Variants in CRACR2A observed in about 807,000 individuals in gnomAD.
The protein encoded by CRACR2A is EF-hand calcium-binding domain-containing protein 4B.
In CRACR2A, 79 loss-of-function variants were observed where a neutral mutation model predicts 90.5. That is an observed-to-expected ratio of 0.87 (90% CI 0.73 to 1.05). The LOEUF (loss-of-function observed/expected upper bound fraction) is 1.05. Ranked by LOEUF, CRACR2A falls within the 50% of genes least tolerant of loss-of-function variation. The pLI is 0.00. For missense variants in CRACR2A, 823 were observed against 897.2 expected (o/e 0.92, Z 1.06); for synonymous variants, 338 against 356.7 (o/e 0.95, Z 0.59).
intron 2 of CRACR2A, chr12:3,731,250 T>TC (rs1591718161): frequency 6.6e-6 from 1 of 152,280 alleles, no homozygotes; most frequent in East Asian, 1.9e-4. Flanking sequence ...AAAACTCAAC[T>TC]TCCCGGGAAA....
At chr12:3,740,262 A>G (rs1240209456) in intron 1 of CRACR2A, among the ~76,000 whole-genome samples, 2 of 152,150 alleles carry the variant, frequency 1.3e-5, no homozygotes, top group East Asian at 3.9e-4. Context: ...AGGAGAGGAA[A>G]GCCAAAGTTA....
intron 4 of CRACR2A, among the ~76,000 whole-genome samples, chr12:3,684,240 C>T (rs1258219238): frequency 6.6e-6 from 1 of 152,146 alleles, no homozygotes; most frequent in Non-Finnish European, 1.5e-5. Context: ...ATTCCAGCAC[C>T]AACCACCCTC....
chr12:3,657,638 A>C (rs948660218), intron 8 of CRACR2A, among the ~76,000 whole-genome samples: 1 of 152,178 alleles, frequency 6.6e-6, no homozygotes, highest in Non-Finnish European at 1.5e-5. Context: ...GTACGATCTG[A>C]CCAGACAGCA....
chr12:3,665,772 G>A (rs1486846212), intron 7 of CRACR2A, among the ~76,000 whole-genome samples: 3 of 152,198 alleles, frequency 2.0e-5, no homozygotes, highest in African/African-American at 4.8e-5. Flanking sequence ...AAAACCTGAC[G>A]AGGCTCAATA....
chr12:3,643,955 G>A (rs1944636319), intron 12 of CRACR2A, among the ~76,000 whole-genome samples: 1 of 126,016 alleles, frequency 7.9e-6, no homozygotes, highest in Admixed American at 9.8e-5. Context: ...GCACTTTGGG[G>A]TTCACAGCTG....
chr12:3,696,056 TTA>T (rs1284578654), intron 4 of CRACR2A, among the ~76,000 whole-genome samples: 2 of 152,192 alleles, frequency 1.3e-5, no homozygotes, highest in African/African-American at 2.4e-5. Flanking sequence ...CACATGGAAA[TTA>T]TATAAAATTC....
At chr12:3,621,692 T>A (rs1944143825) in intron 17 of CRACR2A, among the ~76,000 whole-genome samples, 1 of 75,698 alleles carries the variant, frequency 1.3e-5, no homozygotes, top group Non-Finnish European at 2.6e-5. Flanking sequence ...CCAAAGCAAT[T>A]CCTGGATATA....
At chr12:3,681,050 G>A (rs968717118) in intron 4 of CRACR2A, among the ~76,000 whole-genome samples, 1 of 151,820 alleles carries the variant, frequency 6.6e-6, no homozygotes, top group African/African-American at 2.4e-5. Context: ...CCCGTACCAC[G>A]ATGCGGGTGC....
intron 4 of CRACR2A, among the ~76,000 whole-genome samples, chr12:3,685,728 G>A (rs1044965618): frequency 6.6e-6 from 1 of 152,244 alleles, no homozygotes; most frequent in African/African-American, 2.4e-5. Flanking sequence ...GGGGCTGGGA[G>A]TGGGCGAAAT....
intron 15 of CRACR2A, among the ~76,000 whole-genome samples, chr12:3,631,251 T>G (rs1944371034): frequency 6.6e-6 from 1 of 152,204 alleles, no homozygotes; most frequent in African/African-American, 2.4e-5. Flanking sequence ...TTGGAGGGTG[T>G]TTCCATAATT....
At chr12:3,745,833 G>GA (rs1358315431) in intron 1 of CRACR2A, among the ~76,000 whole-genome samples, 1 of 43,298 alleles carries the variant, frequency 2.3e-5, no homozygotes, top group Non-Finnish European at 5.1e-5. Flanking sequence ...AATAAAGAAA[G>GA]AAAAGAGAAG....
chr12:3,646,250 G>C (rs1944685928), intron 11 of CRACR2A, among the ~76,000 whole-genome samples: 1 of 152,254 alleles, frequency 6.6e-6, no homozygotes, highest in African/African-American at 2.4e-5. Context: ...GTTAACACAA[G>C]AGGTGGAGAG....
At chr12:3,734,044 C>T (rs993762535) in intron 1 of CRACR2A, among the ~76,000 whole-genome samples, 4 of 143,030 alleles carry the variant, frequency 2.8e-5, no homozygotes, top group African/African-American at 1.0e-4. Context: ...GATCTTGGCT[C>T]ACTGCAAGCT....
chr12:3,703,597 C>G (rs1297514767), intron 3 of CRACR2A, among the ~76,000 whole-genome samples: 1 of 152,152 alleles, frequency 6.6e-6, no homozygotes, highest in Non-Finnish European at 1.5e-5. Flanking sequence ...TTTGAAACAT[C>G]TGCTCTTTGA....
At chr12:3,701,659 A>G (rs1335266671) in intron 3 of CRACR2A, among the ~76,000 whole-genome samples, 3 of 152,180 alleles carry the variant, frequency 2.0e-5, no homozygotes, top group Non-Finnish European at 4.4e-5. Flanking sequence ...TGCCAAAGAA[A>G]TTGACCTGAT....
rs564489555 is a variant in CRACR2A at position 3,721,465 on chromosome 12, A to G, written c.-117-8148T>C. ...AAAAACTAGCCAAGTGCAGTGGTAC[A>G]TGCCTGTAGTCCTAGCTACTTGGGA... is the stretch of plus-strand genomic sequence containing the variant. On this transcript the variant is annotated intron_variant, in intron 2 of 19. Transcript: ENST00000440314. 3.1e-4 allele frequency among the ~76,000 whole-genome samples: 47 copies of G among 152,018 alleles called. 1 individual carries two copies. The South Asian group carries it at 9.6e-3, about 31-fold the overall frequency.
At chr12:3,697,500 G>A (rs1483055136) in intron 3 of CRACR2A, among the ~76,000 whole-genome samples, 1 of 152,168 alleles carries the variant, frequency 6.6e-6, no homozygotes, top group East Asian at 1.9e-4. Context: ...GAGGCTCAGA[G>A]AGGTTGCGTG....
At chr12:3,751,410 C>T (rs907016129) in intron 1 of CRACR2A, among the ~76,000 whole-genome samples, 1 of 152,176 alleles carries the variant, frequency 6.6e-6, no homozygotes, top group African/African-American at 2.4e-5. Context: ...GTGCAGATGA[C>T]ATGTTCTTCT....
chr12:3,739,816 C>T (rs1946498329), intron 1 of CRACR2A, among the ~76,000 whole-genome samples: 1 of 151,948 alleles, frequency 6.6e-6, no homozygotes, highest in Non-Finnish European at 1.5e-5. Flanking sequence ...TACCTGTAAT[C>T]CCAGCTACTC....
Sources: gnomAD v4.1 joint callset for allele counts (sites outside exome capture counted in the v4.1 genomes callset) on GRCh38, gnomAD v4.1.1 for gene constraint, MANE v1.5 for transcripts, NCBI Gene and HGNC (gene_info 2026-07-23, HGNC 2026-07-21) for gene names.